KIAA1328: variants seen among roughly 807,000 people sequenced by gnomAD.
The protein encoded by KIAA1328 is KIAA1328, also known as protein hinderin.
Under a neutral mutation model 68.1 loss-of-function variants are expected in KIAA1328, and 52 were observed. The ratio of observed to expected loss-of-function variants is 0.76; its 90% CI spans 0.61 to 0.96. The LOEUF is 0.96. Among genes scored for constraint, KIAA1328 ranks in the 40% least tolerant of loss-of-function variants. KIAA1328 has a pLI of 0.00. For missense variants in KIAA1328, 641 were observed against 677.6 expected, an observed-to-expected ratio of 0.95 and a Z score of 0.60; for synonymous variants, 232 against 239.4, an observed-to-expected ratio of 0.97 and a Z score of 0.28.
chr18:37,109,518 G>A (rs2057869586), intron 7 of KIAA1328, among the ~76,000 whole-genome samples: 1 of 152,040 alleles, frequency 6.6e-6, no homozygotes, highest in Non-Finnish European at 1.5e-5. Context: ...GCAATTCATA[G>A]ATTTTTTTCA....
intron 7 of KIAA1328, 21 bp downstream of exon 7, chr18:37,067,566 T>A: frequency 2.2e-6 from 3 of 1,356,060 alleles, no homozygotes; most frequent in Non-Finnish European, 2.9e-6. Flanking sequence ...CCTGTTCTTT[T>A]TTTTTTTTTT....
intron 7 of KIAA1328, among the ~76,000 whole-genome samples, chr18:37,122,373 A>G (rs1488274440): frequency 6.6e-6 from 1 of 152,062 alleles, no homozygotes; most frequent in Non-Finnish European, 1.5e-5. Context: ...ACAGGACTTA[A>G]CCATGAAGGG....
chr18:37,129,756 CA>C (rs2058477912), intron 7 of KIAA1328, among the ~76,000 whole-genome samples: 1 of 151,966 alleles, frequency 6.6e-6, no homozygotes, highest in Non-Finnish European at 1.5e-5. Flanking sequence ...AGTCTATAGA[CA>C]AACACAGGAA....
chr18:37,019,726 A>C (rs2054276549), intron 6 of KIAA1328, among the ~76,000 whole-genome samples: 1 of 152,164 alleles, frequency 6.6e-6, no homozygotes, highest in Non-Finnish European at 1.5e-5. Context: ...TCTGCATAGG[A>C]GGTGTGGAGT....
chr18:37,051,931 A>G (rs2055709739), intron 6 of KIAA1328, among the ~76,000 whole-genome samples: 1 of 151,658 alleles, frequency 6.6e-6, no homozygotes, highest in Non-Finnish European at 1.5e-5. Flanking sequence ...AATCCCAGCT[A>G]TTTGGGAGGC....
At chr18:37,017,025 T>C (rs1187795223) in intron 6 of KIAA1328, among the ~76,000 whole-genome samples, 2 of 152,158 alleles carry the variant, frequency 1.3e-5, no homozygotes, top group African/African-American at 4.8e-5. Flanking sequence ...ATTAGTTTGC[T>C]CTTGTTTCTC....
At chr18:37,008,413 C>T (rs182957322) in intron 6 of KIAA1328, among the ~76,000 whole-genome samples, 1 of 152,288 alleles carries the variant, frequency 6.6e-6, no homozygotes, top group African/African-American at 2.4e-5. Flanking sequence ...AAAACAACAA[C>T]AAAATATGCT....
chr18:37,145,464 A>C (rs1462007000), intron 7 of KIAA1328, among the ~76,000 whole-genome samples: 1 of 152,220 alleles, frequency 6.6e-6, no homozygotes, highest in African/African-American at 2.4e-5. Flanking sequence ...CTTCGATCAA[A>C]TTGATCAATA....
rs888566544 is a variant in KIAA1328, at chr18:37,092,496, A to C, written c.1232+24951A>C. Among the ~76,000 whole-genome samples the C allele has an allele frequency of 4.6e-5, 7 of 151,782 alleles. No individual in the cohort carries two copies. In the South Asian group the frequency reaches 1.0e-3, roughly 23 times the overall value. On this transcript the variant is annotated intron_variant, in intron 7 of 9. Coordinates refer to ENST00000280020, the MANE Select transcript of KIAA1328 (RefSeq NM_020776.3). ...GGAGACTTGGAGATAGAGCCACCCCACCTGCCACGACTGATGCCCATGCAC... is the reference window on the plus strand; with the variant it reads ...GGAGACTTGGAGATAGAGCCACCCCCCCTGCCACGACTGATGCCCATGCAC...
intron 7 of KIAA1328, among the ~76,000 whole-genome samples, chr18:37,121,590 T>G (rs2058273557): frequency 6.6e-6 from 1 of 152,128 alleles, no homozygotes; most frequent in African/African-American, 2.4e-5. Flanking sequence ...TAGGATCATG[T>G]CCTCAGACAA....
intron 6 of KIAA1328, among the ~76,000 whole-genome samples, chr18:37,012,350 A>G (rs2054007309): frequency 6.6e-6 from 1 of 152,118 alleles, no homozygotes; most frequent in Admixed American, 6.6e-5. Context: ...TGCTTCCACA[A>G]CTGCTTCTTC....
intron 7 of KIAA1328, among the ~76,000 whole-genome samples, chr18:37,139,154 G>A (rs1259095199): frequency 4.0e-5 from 6 of 151,738 alleles, no homozygotes; most frequent in Non-Finnish European, 5.9e-5. Flanking sequence ...TAGTAGAGAC[G>A]GGGTTTCACC....
chr18:36,860,276 A>G (rs2047521571), intron 4 of KIAA1328, among the ~76,000 whole-genome samples: 1 of 152,136 alleles, frequency 6.6e-6, no homozygotes, highest in Admixed American at 6.6e-5. Context: ...TTCTTTTTAT[A>G]TTCATTAAGT....
At chr18:36,916,753 G>C (rs963759730) in intron 5 of KIAA1328, among the ~76,000 whole-genome samples, 1 of 152,066 alleles carries the variant, frequency 6.6e-6, no homozygotes, top group Non-Finnish European at 1.5e-5. Flanking sequence ...GGTTTCTTAC[G>C]TATTTGTTAA....
intron 6 of KIAA1328, among the ~76,000 whole-genome samples, chr18:37,008,485 A>G (rs1015020023): frequency 1.3e-5 from 2 of 152,240 alleles, no homozygotes; most frequent in Non-Finnish European, 2.9e-5. Context: ...TTAAATGTCC[A>G]GGATATAATT....
chr18:37,071,766 A>G (rs2056542728), intron 7 of KIAA1328, among the ~76,000 whole-genome samples: 1 of 152,182 alleles, frequency 6.6e-6, no homozygotes, highest in East Asian at 1.9e-4. Context: ...TGCTCTAAGT[A>G]TTCTGTTAAA....
intron 9 of KIAA1328, among the ~76,000 whole-genome samples, chr18:37,210,074 T>G (rs984621900): frequency 5.9e-5 from 9 of 151,860 alleles, no homozygotes; most frequent in African/African-American, 1.9e-4. Flanking sequence ...AAAAAGGAAA[T>G]GGGAGGGGAA....
At chr18:36,932,301 C>T (rs372298989) in intron 5 of KIAA1328, among the ~76,000 whole-genome samples, 11 of 152,194 alleles carry the variant, frequency 7.2e-5, no homozygotes, top group African/African-American at 2.7e-4. Context: ...CAGCTCATTG[C>T]AGCCTCGACC....
At chr18:37,165,674 C>T (rs958349867) in intron 8 of KIAA1328, among the ~76,000 whole-genome samples, 1 of 150,986 alleles carries the variant, frequency 6.6e-6, no homozygotes, top group African/African-American at 2.4e-5. Flanking sequence ...TCACCACAAC[C>T]TCTGCCTCCC....
Sources: gnomAD v4.1 joint callset for allele counts (sites outside exome capture counted in the v4.1 genomes callset) on GRCh38, gnomAD v4.1.1 for gene constraint, MANE v1.5 for transcripts, NCBI Gene and HGNC (gene_info 2026-07-23, HGNC 2026-07-21) for gene names.